Variants in RBFOX1 observed in about 807,000 individuals in gnomAD.
RBFOX1 encodes the protein RNA binding fox-1 homolog 1.
RBFOX1 carries 8 observed loss-of-function variants against 57.7 expected under a neutral mutation model. That is an observed-to-expected ratio of 0.14 (90% CI 0.08 to 0.25). The LOEUF (loss-of-function observed/expected upper bound fraction) is 0.25. RBFOX1 is among the 10% of genes least tolerant of loss of function. RBFOX1 has a pLI of 1.00. For synonymous variants in RBFOX1, 326 were observed against 222.4 expected, an observed-to-expected ratio of 1.47 and a Z score of -4.15; for missense variants, 611 against 548.5, an observed-to-expected ratio of 1.11 and a Z score of -1.14.
At chr16:6,914,520 A>C (rs1229816890) in intron 3 of RBFOX1, among the ~76,000 whole-genome samples, 1 of 152,140 alleles carries the variant, frequency 6.6e-6, no homozygotes, top group Middle Eastern at 3.4e-3. Flanking sequence ...ATAAGTGAGA[A>C]TCTCTCTGGA....
intron 4 of RBFOX1, among the ~76,000 whole-genome samples, chr16:7,188,737 A>G (rs765661619): frequency 1.2e-4 from 18 of 152,210 alleles, no homozygotes; most frequent in African/African-American, 4.1e-4. Context: ...GGAGATTCAG[A>G]TACAGATTTG....
rs112868778 is a variant in RBFOX1, at chr16:7,622,507, A to C, written c.677-8096A>C. Reference sequence around the variant, plus strand: ...TTGGAGTGAGTCATTAAAATTTTCAAACAATAAATAGTCAAGGAACAAATT... The same window carrying C: ...TTGGAGTGAGTCATTAAAATTTTCACACAATAAATAGTCAAGGAACAAATT... On this transcript the variant is annotated intron_variant, in intron 10 of 15. Coordinates refer to ENST00000550418, the MANE Select transcript of RBFOX1 (RefSeq NM_018723.4). 1.1e-3 allele frequency among the ~76,000 whole-genome samples: 170 copies of C among 152,330 alleles called. 3 individuals are homozygous for C. The highest frequency in any genetic ancestry group is 3.8e-3 in the African/African-American group (158 of 41,568).
chr16:5,286,805 A>G (rs950703645), intron 1 of RBFOX1, among the ~76,000 whole-genome samples: 2 of 152,244 alleles, frequency 1.3e-5, no homozygotes, highest in African/African-American at 4.8e-5. Context: ...GCCTAAAAGC[A>G]TATGTAGACA....
intron 4 of RBFOX1, among the ~76,000 whole-genome samples, chr16:7,292,302 G>C (rs1024476523): frequency 2.5e-5 from 3 of 118,930 alleles, no homozygotes; most frequent in African/African-American, 3.3e-5. Context: ...TATGATATAT[G>C]ATATATGACG....
chr16:7,349,862 A>T (rs1417820607), intron 4 of RBFOX1, among the ~76,000 whole-genome samples: 1 of 152,144 alleles, frequency 6.6e-6, no homozygotes, highest in Non-Finnish European at 1.5e-5. Flanking sequence ...AAAATAGGTT[A>T]TGGGCCAGGC....
At chr16:5,448,220 C>T (rs189942779) in intron 1 of RBFOX1, among the ~76,000 whole-genome samples, 1 of 152,266 alleles carries the variant, frequency 6.6e-6, no homozygotes, top group African/African-American at 2.4e-5. Flanking sequence ...TAAAATTAGA[C>T]CTGGACGCTG....
intron 2 of RBFOX1, among the ~76,000 whole-genome samples, chr16:6,575,691 G>A (rs1218435500): frequency 1.3e-4 from 20 of 151,876 alleles, no homozygotes. Context: ...AACACTGTCT[G>A]TACTAAAAGT....
intron 2 of RBFOX1, among the ~76,000 whole-genome samples, chr16:5,477,942 C>G (rs757157260): frequency 6.6e-6 from 1 of 152,192 alleles, no homozygotes; most frequent in Non-Finnish European, 1.5e-5. Context: ...AAATGCAGTT[C>G]TCCTTGGTTC....
Position 7,683,327 on chromosome 16 carries a change from GAGAC to G in RBFOX1, c.995+6503_995+6506del, listed in dbSNP as rs374885029. Among the ~76,000 whole-genome samples, 244 of 151,624 alleles carry G rather than the reference GAGAC, an allele frequency of 1.6e-3. 1 individual carries two copies. The highest frequency in any genetic ancestry group is 3.8e-3 in the East Asian group (19 of 5,062). ...AGTTTATAGAAATCACACACACACAGAGACAGACAGACAGACACACACACGTTAA... is the reference window on the plus strand; with the variant it reads ...AGTTTATAGAAATCACACACACACAGAGACAGACAGACACACACACGTTAA... On this transcript the variant is annotated intron_variant, in intron 14 of 15. Coordinates refer to ENST00000550418, the MANE Select transcript of RBFOX1 (RefSeq NM_018723.4).
At chr16:6,639,305 A>T (rs2098468175) in intron 2 of RBFOX1, among the ~76,000 whole-genome samples, 1 of 152,176 alleles carries the variant, frequency 6.6e-6, no homozygotes, top group South Asian at 2.1e-4. Flanking sequence ...ATATTCAATT[A>T]AATAGTTTCG....
chr16:7,007,687 A>G (rs954538338), intron 3 of RBFOX1, among the ~76,000 whole-genome samples: 2 of 152,128 alleles, frequency 1.3e-5, no homozygotes, highest in Non-Finnish European at 2.9e-5. Flanking sequence ...ATGATTTTGC[A>G]TGTACTTTTG....
In RBFOX1 at chr16:7,412,167, C is replaced by T. The variant is rs115587727; in HGVS notation, c.28-105980C>T. On this transcript the variant is annotated intron_variant, in intron 4 of 15. Coordinates refer to ENST00000550418, the MANE Select transcript of RBFOX1 (RefSeq NM_018723.4). ...AGTGAAAATTGGCTGGACACCGTCG[C>T]TCACGGCTGTAATCCCAGTACTTTG... Among the ~76,000 whole-genome samples, 737 of 152,244 alleles carry T rather than the reference C, an allele frequency of 4.8e-3. 4 individuals are homozygous for T. Among genetic ancestry groups the T allele is most frequent in the African/African-American group, 0.016 (654 of 41,546 alleles).
intron 4 of RBFOX1, among the ~76,000 whole-genome samples, chr16:7,066,729 G>A (rs2056138668): frequency 1.3e-5 from 2 of 152,164 alleles, no homozygotes; most frequent in African/African-American, 4.8e-5. Flanking sequence ...GTGGATTGGT[G>A]GTTGAAATCA....
At chr16:7,375,000 T>C (rs191761292) in intron 4 of RBFOX1, among the ~76,000 whole-genome samples, 6 of 152,338 alleles carry the variant, frequency 3.9e-5, no homozygotes, top group Admixed American at 1.3e-4. Context: ...TGAGAGGAGA[T>C]GTAGAGATAT....
At chr16:5,426,921 T>C (rs2067578014) in intron 1 of RBFOX1, among the ~76,000 whole-genome samples, 1 of 152,190 alleles carries the variant, frequency 6.6e-6, no homozygotes, top group South Asian at 2.1e-4. Context: ...CAGAGCCCTG[T>C]AGTCACCTGC....
chr16:5,900,477 A>G (rs1458221902), intron 4 of RBFOX1, among the ~76,000 whole-genome samples: 1 of 152,160 alleles, frequency 6.6e-6, no homozygotes, highest in African/African-American at 2.4e-5. Context: ...TGAGTAAAGA[A>G]ATGAAGATTC....
At chr16:5,288,756 G>A (rs760269205) in intron 1 of RBFOX1, among the ~76,000 whole-genome samples, 11 of 151,900 alleles carry the variant, frequency 7.2e-5, no homozygotes, top group Non-Finnish European at 1.2e-4. Context: ...GGGCATGGGG[G>A]CAAGTCTTCC....
At chr16:5,846,197 AGAATTTAGT>A (rs1159302757) in intron 3 of RBFOX1, among the ~76,000 whole-genome samples, 3 of 151,344 alleles carry the variant, frequency 2.0e-5, no homozygotes, top group Non-Finnish European at 4.4e-5. Flanking sequence ...AAAAAAAAAA[AGAATTTAGT>A]GAATTTAGTA....
intron 3 of RBFOX1, among the ~76,000 whole-genome samples, chr16:7,013,899 C>T (rs140746013): frequency 6.6e-6 from 1 of 152,146 alleles, no homozygotes; most frequent in South Asian, 2.1e-4. Flanking sequence ...CTCCAAAAAT[C>T]TTCCTGCCTC....
Sources: allele counts gnomAD v4.1 joint callset (sites outside exome capture counted in the v4.1 genomes callset), GRCh38; gene constraint gnomAD v4.1.1; transcripts MANE v1.5; gene names NCBI Gene and HGNC (gene_info 2026-07-23, HGNC 2026-07-21).